C16orf96: variants seen among roughly 807,000 people sequenced by gnomAD.
The protein encoded by C16orf96 is uncharacterized protein C16orf96.
Under a neutral mutation model 103.6 loss-of-function variants are expected in C16orf96, and 108 were observed. The ratio of observed to expected loss-of-function variants is 1.04; its 90% CI spans 0.89 to 1.22. C16orf96 has a LOEUF of 1.22. Ranked by LOEUF, C16orf96 falls within the 50% of genes most tolerant of loss-of-function variation. The pLI, the probability that C16orf96 is intolerant of heterozygous loss-of-function variation, is 0.00. For missense variants in C16orf96, 1,586 were observed against 1,464.2 expected (o/e 1.08, Z -1.36); for synonymous variants, 566 against 593.5 (o/e 0.95, Z 0.67).
chr16:4,572,039 A>G (rs1423877811), intron 2 of C16orf96, among the ~76,000 whole-genome samples: 1 of 150,962 alleles, frequency 6.6e-6, no homozygotes, highest in Non-Finnish European at 1.5e-5. Context: ...TAGTAGAGAC[A>G]GGGGTTCATC....
At chr16:4,574,260 T>C (rs1006909058) in intron 2 of C16orf96, among the ~76,000 whole-genome samples, 1 of 152,110 alleles carries the variant, frequency 6.6e-6, no homozygotes, top group Non-Finnish European at 1.5e-5. Context: ...TCTCACTCTG[T>C]TGCCCAGGCT....
At chr16:4,597,150 C>A (rs1465168237) in intron 14 of C16orf96, among the ~76,000 whole-genome samples, 2 of 152,228 alleles carry the variant, frequency 1.3e-5, no homozygotes, top group Non-Finnish European at 2.9e-5. Context: ...CCTGCATTCT[C>A]CTGGGCGGGA....
At chr16:4,567,943 G>T (rs1241457839) in intron 1 of C16orf96, among the ~76,000 whole-genome samples, 1 of 151,868 alleles carries the variant, frequency 6.6e-6, no homozygotes, top group Non-Finnish European at 1.5e-5. Flanking sequence ...TGATCTGCCT[G>T]CTGTAGCCTC....
At chr16:4,573,414 G>A (rs1395256749) in intron 2 of C16orf96, among the ~76,000 whole-genome samples, 1 of 142,600 alleles carries the variant, frequency 7.0e-6, no homozygotes, top group Non-Finnish European at 1.5e-5. Flanking sequence ...ACTCCAGCCT[G>A]GGTGACAGAG....
chr16:4,542,321 C>T, the C16orf96 span, among the ~76,000 whole-genome samples: 6 of 151,640 alleles, frequency 4.0e-5, no homozygotes, highest in Non-Finnish European at 7.4e-5. Context: ...GCAAGAATTG[C>T]GCCATTGCAG....
chr16:4,577,819 G>C (rs1197345366), intron 5 of C16orf96, among the ~76,000 whole-genome samples: 1 of 152,212 alleles, frequency 6.6e-6, no homozygotes, highest in African/African-American at 2.4e-5. Context: ...AGCCAGGCTT[G>C]ATAGTGCGCG....
intron 7 of C16orf96, among the ~76,000 whole-genome samples, chr16:4,584,023 C>T (rs1896855566): frequency 6.6e-6 from 1 of 151,610 alleles, no homozygotes; most frequent in South Asian, 2.1e-4. Context: ...GATTACTCCA[C>T]AACCAGTGTT....
At chr16:4,578,094 A>G (rs895246173) in intron 5 of C16orf96, among the ~76,000 whole-genome samples, 1 of 152,156 alleles carries the variant, frequency 6.6e-6, no homozygotes, top group South Asian at 2.1e-4. Context: ...TGGGCAACAG[A>G]GTGAGACCTT....
At chr16:4,571,724 GA>G (rs35531180) in intron 2 of C16orf96, 59 bp downstream of exon 2, 1,356,802 of 1,445,116 alleles carry the variant, frequency 0.94, 645,075 homozygotes, top group East Asian at 1. Flanking sequence ...CTGGGGGTTG[GA>G]GCAATGAGGA....
intron 14 of C16orf96, among the ~76,000 whole-genome samples, chr16:4,595,615 C>T (rs998650028): frequency 6.6e-6 from 1 of 152,200 alleles, no homozygotes; most frequent in Non-Finnish European, 1.5e-5. Flanking sequence ...GGGAGCTACA[C>T]GCCGCCCCAT....
chr16:4,578,835 T>C, intron 5 of C16orf96, 105 bp from the exon 6 acceptor site: 1 of 682,200 alleles, frequency 1.5e-6, no homozygotes, highest in Admixed American at 2.8e-5. Flanking sequence ...GCATTTCCAC[T>C]GGGCAGTGCT....
At chr16:4,579,241 T>C (rs2059552861) in intron 6 of C16orf96, among the ~76,000 whole-genome samples, 1 of 151,904 alleles carries the variant, frequency 6.6e-6, no homozygotes, top group Non-Finnish European at 1.5e-5. Context: ...CACGGTTCTG[T>C]GTCTCAGGTG....
At chr16:4,546,284 G>A in the C16orf96 span, among the ~76,000 whole-genome samples, 2 of 150,274 alleles carry the variant, frequency 1.3e-5, no homozygotes, top group African/African-American at 2.4e-5. Context: ...TCAGCCTCCC[G>A]AGTAGCTGGG....
chr16:4,571,974 C>T (rs1457438916), intron 2 of C16orf96, among the ~76,000 whole-genome samples: 2 of 151,844 alleles, frequency 1.3e-5, no homozygotes, highest in East Asian at 1.9e-4. Context: ...CTGAGCTTCC[C>T]GAGTAGCTGG....
rs1218737501 is a variant in C16orf96, at chr16:4,556,472, C to A, written c.-18C>A. The A allele has an allele frequency of 2.7e-6, 4 of 1,505,994 alleles. No individual in the cohort carries two copies. The highest frequency in any genetic ancestry group is 4.2e-5 in the Admixed American group (2 of 48,170). The allele number at this position is 1,505,994 out of a possible 1,614,324, so 93.3% of individuals were successfully genotyped here. ...GAGGACACCTGGAACCCCAGCCCCACTGACCCACCCTGGCAGGATGAGCTT... is the reference window on the plus strand; with the variant it reads ...GAGGACACCTGGAACCCCAGCCCCAATGACCCACCCTGGCAGGATGAGCTT... On this transcript the variant is annotated 5_prime_UTR_variant, in exon 1 of 16. It adds an upstream start codon to the 5' untranslated region. Coordinates refer to ENST00000444310, the MANE Select transcript of C16orf96 (RefSeq NM_001145011.2).
chr16:4,592,141 G>A (rs539491977), intron 10 of C16orf96, among the ~76,000 whole-genome samples, 164 bp from the exon 11 acceptor site: 2 of 152,342 alleles, frequency 1.3e-5, no homozygotes, highest in South Asian at 2.1e-4. Context: ...TGTTTGGGGC[G>A]GCAGAGAAAC....
intron 7 of C16orf96, 22 bp downstream of exon 7, chr16:4,580,147 G>A: frequency 6.8e-7 from 1 of 1,465,250 alleles, no homozygotes; most frequent in Non-Finnish European, 9.1e-7. Context: ...TGGGTAGGCT[G>A]GAGAAGGGCT....
chr16:4,557,334 GA>G (rs2059277072), intron 1 of C16orf96, among the ~76,000 whole-genome samples: 2 of 152,132 alleles, frequency 1.3e-5, no homozygotes, highest in Non-Finnish European at 2.9e-5. Context: ...AGAGTGGGAA[GA>G]AGGGTGCTTT....
chr16:4,548,585 G>T, the C16orf96 span, among the ~76,000 whole-genome samples: 1 of 152,170 alleles, frequency 6.6e-6, no homozygotes, highest in East Asian at 1.9e-4. Flanking sequence ...TGAAAAGCAG[G>T]AGCTCAGCTG....
Sources: gnomAD v4.1 joint callset for allele counts (sites outside exome capture counted in the v4.1 genomes callset) on GRCh38, gnomAD v4.1.1 for gene constraint, MANE v1.5 for transcripts, NCBI Gene and HGNC (gene_info 2026-07-23, HGNC 2026-07-21) for gene names.